CLTCL1: variants seen among roughly 807,000 people sequenced by gnomAD.
CLTCL1 encodes the protein clathrin heavy chain like 1, also known as clathrin heavy chain 2.
In CLTCL1, 159 loss-of-function variants were observed where a neutral mutation model predicts 190.0. The observed-to-expected ratio is 0.84, with a 90% confidence interval of 0.74 to 0.95. The LOEUF (loss-of-function observed/expected upper bound fraction) is 0.95, where lower values mean the gene tolerates loss of function less well. CLTCL1 is among the 40% of genes least tolerant of loss of function. CLTCL1 has a pLI of 0.00. For missense variants in CLTCL1, 1,878 were observed against 2,033.4 expected (o/e 0.92, Z 1.47); for synonymous variants, 752 against 769.6 (o/e 0.98, Z 0.38).
chr22:19,196,334 C>CA lies in CLTCL1; in HGVS notation c.4122dup (p.Val1375CysfsTer10), dbSNP rs782734868. 1.4e-5 allele frequency: 22 copies of CA among 1,613,990 alleles called. No individual in the cohort carries two copies. The highest frequency in any genetic ancestry group is 1.9e-5 in the Non-Finnish European group (22 of 1,179,884). On this transcript the variant is annotated frameshift_variant, in exon 26 of 33. Transcript: ENST00000427926. LOFTEE classifies it high-confidence loss of function. ...GTGGGGTGGCTCATCATGGTGAGCA[C>CA]AGCATTGTCATACTCCTCGTACTTG...
At chr22:19,205,873 A>G (rs2085031772) in intron 22 of CLTCL1, among the ~76,000 whole-genome samples, 1 of 152,094 alleles carries the variant, frequency 6.6e-6, no homozygotes, top group African/African-American at 2.4e-5. Flanking sequence ...TTGGTTACAG[A>G]ATTACATGAT....
At chr22:19,249,872 C>T (rs782296647) in intron 3 of CLTCL1, 62 of 407,916 alleles carry the variant, frequency 1.5e-4, no homozygotes, top group African/African-American at 1.1e-3. Flanking sequence ...AAAAAAAAAT[C>T]GCCAGGTACC....
At chr22:19,192,896 G>C (rs114528064) in intron 26 of CLTCL1, among the ~76,000 whole-genome samples, 1,952 of 152,330 alleles carry the variant, frequency 0.013, 43 homozygotes, top group African/African-American at 0.043. Flanking sequence ...TGGAGCTCTA[G>C]CACCTGTCAG....
chr22:19,222,654 C>G, intron 15 of CLTCL1, 30 bp downstream of exon 15: 5 of 1,578,292 alleles, frequency 3.2e-6, no homozygotes, highest in Non-Finnish European at 4.3e-6. Flanking sequence ...CCAGAGGCAG[C>G]CGGGTGTCAC....
chr22:19,195,730 C>A (rs1328740167), intron 26 of CLTCL1, among the ~76,000 whole-genome samples: 2 of 152,162 alleles, frequency 1.3e-5, no homozygotes, highest in Non-Finnish European at 2.9e-5. Context: ...GGCACCCAAA[C>A]CCGACACCAC....
intron 11 of CLTCL1, among the ~76,000 whole-genome samples, chr22:19,228,764 A>G (rs1227880251): frequency 6.6e-6 from 1 of 152,126 alleles, no homozygotes. Flanking sequence ...ACTCCTCTAA[A>G]TCCCTTTCTT....
chr22:19,197,255 C>G (rs1555936434), intron 24 of CLTCL1, among the ~76,000 whole-genome samples: 1 of 152,136 alleles, frequency 6.6e-6, no homozygotes, highest in East Asian at 1.9e-4. Flanking sequence ...ACCTAGAGGA[C>G]TGCCTCACAC....
chr22:19,201,573 G>T, intron 22 of CLTCL1, 80 bp from the exon 23 acceptor site: 1 of 1,424,346 alleles, frequency 7.0e-7, no homozygotes, highest in Non-Finnish European at 9.7e-7. Flanking sequence ...TTCCTAGATG[G>T]CAGAGGTATT....
In CLTCL1 at chr22:19,198,586, C is replaced by T. The variant is rs1555937205; in HGVS notation, c.3873+1148G>A. On this transcript the variant is annotated intron_variant, in intron 24 of 32. Coordinates refer to ENST00000427926, the MANE Select transcript of CLTCL1 (RefSeq NM_007098.4). The surrounding 1 kb of genome is among the most constrained non-coding windows in gnomAD (Gnocchi z 4.1). ...CCACTGACCCTTCCCTCAAATGTTC[C>T]CATGACCAAATCCTTCCATTTCTTC... 6.6e-6 allele frequency among the ~76,000 whole-genome samples: 1 copy of T among 152,128 alleles called. No homozygotes were observed. The highest frequency in any genetic ancestry group is 2.4e-5 in the African/African-American group (1 of 41,414).
intron 2 of CLTCL1, chr22:19,258,010 CT>C: frequency 1.8e-6 from 1 of 546,054 alleles, no homozygotes; most frequent in Non-Finnish European, 3.4e-6. Context: ...CTGCTGCTGA[CT>C]TTAGAGTCAA....
intron 1 of CLTCL1, among the ~76,000 whole-genome samples, chr22:19,287,780 G>C (rs2087959800): frequency 6.6e-6 from 1 of 151,852 alleles, no homozygotes; most frequent in Non-Finnish European, 1.5e-5. Context: ...GCTGGACACT[G>C]GACAAGATAC....
At position 19,291,708 on chromosome 22, in the gene CLTCL1, C is replaced by A. The variant is rs1046094696; in HGVS notation, c.-67G>T. 2.3e-6 allele frequency: 3 copies of A among 1,300,750 alleles called. No homozygotes were observed. Among genetic ancestry groups the A allele is most frequent in the Admixed American group, 3.9e-5 (1 of 25,962 alleles). 80.6% of individuals were successfully genotyped at this position (1,300,750 alleles called of 1,614,324 possible). A position where few individuals can be genotyped will look rare whatever the true frequency, so the allele number is the denominator to read the frequency against. ...AATGAACGCCGACCCCTCGCGCGGG[C>A]TGACCGGTGGCGACGGCGCAGGCGC... On this transcript the variant is annotated 5_prime_UTR_variant, in exon 1 of 33. Coordinates refer to ENST00000427926, the MANE Select transcript of CLTCL1 (RefSeq NM_007098.4).
chr22:19,271,071 G>A (rs2087300469), intron 2 of CLTCL1, among the ~76,000 whole-genome samples: 1 of 152,028 alleles, frequency 6.6e-6, no homozygotes, highest in South Asian at 2.1e-4. Flanking sequence ...CCTCCAGGGG[G>A]TGCCATTCCC....
chr22:19,289,152 A>G (rs1268209958), intron 1 of CLTCL1, among the ~76,000 whole-genome samples: 1 of 151,996 alleles, frequency 6.6e-6, no homozygotes, highest in African/African-American at 2.4e-5. Context: ...CCCGGCTAAT[A>G]CTGTATTTTT....
intron 1 of CLTCL1, among the ~76,000 whole-genome samples, chr22:19,291,268 C>A (rs1457542729): frequency 6.6e-6 from 1 of 152,194 alleles, no homozygotes; most frequent in African/African-American, 2.4e-5. Flanking sequence ...CTGTGGGATC[C>A]GCGCGGCCCT....
Position 19,230,097 on chromosome 22 carries a change from G to GTTTTTTTTTTTTTTTTT in CLTCL1, c.1645-123_1645-122insAAAAAAAAAAAAAAAAA, listed in dbSNP as rs374875733. 2 of 530,318 alleles carry GTTTTTTTTTTTTTTTTT rather than the reference G, an allele frequency of 3.8e-6. 1 individual carries two copies. The allele number at this position is 530,318 out of a possible 1,614,324, so 32.9% of individuals were successfully genotyped here. A position where few individuals can be genotyped will look rare whatever the true frequency, so the allele number is the denominator to read the frequency against. On this transcript the variant is annotated intron_variant, in intron 10 of 32. Coordinates refer to ENST00000427926, the MANE Select transcript of CLTCL1 (RefSeq NM_007098.4). ...AATTCAGCAATTAGTTCCCTCCCTT[G>GTTTTTTTTTTTTTTTTT]GTTTTTTTTTTTTTTTTGAGATGGA...
intron 2 of CLTCL1, among the ~76,000 whole-genome samples, chr22:19,259,526 T>A (rs537011252): frequency 1.3e-5 from 2 of 152,244 alleles, no homozygotes; most frequent in African/African-American, 2.4e-5. Flanking sequence ...GTAATTCTCA[T>A]GATATTTCAA....
intron 4 of CLTCL1, among the ~76,000 whole-genome samples, chr22:19,241,505 C>T (rs2086253020): frequency 6.6e-6 from 1 of 152,210 alleles, no homozygotes; most frequent in South Asian, 2.1e-4. Flanking sequence ...CAACAGGAGG[C>T]CAAAGTATTC....
intron 19 of CLTCL1, among the ~76,000 whole-genome samples, chr22:19,211,610 A>G (rs1473654097): frequency 6.6e-6 from 1 of 152,028 alleles, no homozygotes; most frequent in Non-Finnish European, 1.5e-5. Context: ...TACTAAAAAT[A>G]TAAAAAATTA....
Sources: allele counts gnomAD v4.1 joint callset (sites outside exome capture counted in the v4.1 genomes callset), GRCh38; gene constraint gnomAD v4.1.1; non-coding constraint Gnocchi (gnomAD v3.1); transcripts MANE v1.5; gene names NCBI Gene and HGNC (gene_info 2026-07-23, HGNC 2026-07-21).